TUBA1C: variants seen among roughly 807,000 people sequenced by gnomAD.
TUBA1C encodes tubulin alpha-1C chain.
TUBA1C carries 16 observed loss-of-function variants against 34.9 expected under a neutral mutation model. The observed-to-expected ratio is 0.46, with a 90% CI of 0.31 to 0.70. TUBA1C has a LOEUF of 0.70. TUBA1C is among the 30% of genes least tolerant of loss of function. The probability of loss-of-function intolerance (pLI) is 0.05; values close to 1 mark genes in which losing one functional copy is unlikely to be tolerated. For synonymous variants in TUBA1C, 177 were observed against 215.9 expected (o/e 0.82, Z 1.58); for missense variants, 329 against 587.3 (o/e 0.56, Z 4.55).
At chr12:49,271,999 G>C (rs1321029210) in intron 3 of TUBA1C, among the ~76,000 whole-genome samples, 6 of 149,342 alleles carry the variant, frequency 4.0e-5, no homozygotes, top group Non-Finnish European at 7.4e-5. Flanking sequence ...GACAGGGTCT[G>C]CTCTGTCATC....
chr12:49,272,981 G>A lies in TUBA1C; in HGVS notation c.1104G>A (p.Leu368=). The part of the protein sequence containing the change: ...QPPTVVPGGD[L]AKVQRAVCML... ...CCACTGTGGTGCCTGGCGGAGACCT[G>A]GCCAAGGTACAGAGAGCTGTGTGCA... Residue 368 remains leucine, a synonymous_variant, in exon 4 of 4, where the codon CTG becomes CTA. Coordinates refer to ENST00000301072, the MANE Select transcript of TUBA1C (RefSeq NM_032704.5). 1 of 1,614,226 alleles carries A rather than the reference G, an allele frequency of 6.2e-7. No individual in the cohort carries two copies.
intron 1 of TUBA1C, among the ~76,000 whole-genome samples, chr12:49,267,935 T>C (rs987915148): frequency 2.0e-5 from 3 of 152,188 alleles, no homozygotes; most frequent in Non-Finnish European, 4.4e-5. Flanking sequence ...CAAACACCCT[T>C]TTTGTTTTCC....
rs572837746 is a variant in TUBA1C, at chr12:49,273,517, G to A, written c.*290G>A. 5 of 458,654 alleles carry A rather than the reference G, an allele frequency of 1.1e-5. No individual in the cohort carries two copies. The highest frequency in any genetic ancestry group is 9.9e-5 in the African/African-American group (5 of 50,370). 28.4% of individuals were successfully genotyped at this position (458,654 alleles called of 1,614,324 possible). A position where few individuals can be genotyped will look rare whatever the true frequency, so the allele number is the denominator to read the frequency against. Reference sequence around the variant, plus strand: ...TGATTCTCCTGCTTCAGCCTCCTAAGTAGCTGGGGACTGCAGGTGCACACC... The same window carrying A: ...TGATTCTCCTGCTTCAGCCTCCTAAATAGCTGGGGACTGCAGGTGCACACC... On this transcript the variant is annotated 3_prime_UTR_variant, in exon 4 of 4. Coordinates refer to ENST00000301072, the MANE Select transcript of TUBA1C (RefSeq NM_032704.5).
In TUBA1C at chr12:49,265,161, A is replaced by G; in HGVS notation, c.-21A>G. 4 of 1,603,232 alleles carry G rather than the reference A, an allele frequency of 2.5e-6. No individual in the cohort carries two copies. In the East Asian group the frequency reaches 6.7e-5, roughly 27 times the overall value. ...GTCCCTTCGCCTCCTTCACCGCCGC[A>G]GACCCCTTCAAGTTCTAGTCATGGT... On this transcript the variant is annotated 5_prime_UTR_variant, in exon 1 of 4. Transcript: ENST00000301072.
intron 1 of TUBA1C, among the ~76,000 whole-genome samples, chr12:49,259,531 A>G (rs1210335089): frequency 6.6e-6 from 1 of 152,226 alleles, no homozygotes; most frequent in Non-Finnish European, 1.5e-5. Flanking sequence ...CCTAGATACA[A>G]ATACCATCTA....
intron 1 of TUBA1C, among the ~76,000 whole-genome samples, chr12:49,234,919 G>A (rs1345290582): frequency 6.6e-6 from 1 of 152,076 alleles, no homozygotes; most frequent in Non-Finnish European, 1.5e-5. Context: ...CCAGATTCAA[G>A]CGATTCTCCT....
intron 1 of TUBA1C, among the ~76,000 whole-genome samples, chr12:49,255,405 A>AAAAAATATATAT (rs533723121): frequency 3.5e-5 from 5 of 141,314 alleles, no homozygotes; most frequent in African/African-American, 1.3e-4. Flanking sequence ...ATCTTTAAAA[A>AAAAAATATATAT]ATATATATAT....
In TUBA1C at chr12:49,265,247, A is replaced by G. The variant is rs1942890020; in HGVS notation, c.3+63A>G. 6.2e-6 allele frequency: 9 copies of G among 1,451,048 alleles called. No homozygotes were observed. In the South Asian group the frequency reaches 1.1e-4, roughly 18 times the overall value. 89.9% of individuals were successfully genotyped at this position (1,451,048 alleles called of 1,614,324 possible). A position where few individuals can be genotyped will look rare whatever the true frequency, so the allele number is the denominator to read the frequency against. ...GTCCCAGGGGACGGCGGGCCCGGAA[A>G]CTACTGCCTGCACCTCGGGCCGCGC... On this transcript the variant is annotated intron_variant, in intron 1 of 3. Transcript: ENST00000301072.
chr12:49,229,823 T>C (rs186998839), intron 1 of TUBA1C, among the ~76,000 whole-genome samples: 1 of 152,194 alleles, frequency 6.6e-6, no homozygotes. Context: ...GATGGAGTCT[T>C]GCTCTGTCGC....
intron 1 of TUBA1C, among the ~76,000 whole-genome samples, chr12:49,268,402 A>AT (rs527927416): frequency 0.035 from 4,969 of 143,128 alleles, 88 homozygotes; most frequent in African/African-American, 0.053. Flanking sequence ...CTCTACCATA[A>AT]TTTTTTTTTT....
At chr12:49,242,944 A>G (rs1425810006) in intron 1 of TUBA1C, among the ~76,000 whole-genome samples, 3 of 151,760 alleles carry the variant, frequency 2.0e-5, no homozygotes, top group Non-Finnish European at 4.4e-5. Flanking sequence ...AGCTGGGACT[A>G]CAGGCGCATG....
At position 49,269,620 on chromosome 12, in the gene TUBA1C, C is replaced by T. The variant is rs751070145; in HGVS notation, c.159C>T (p.Phe53=). ...GGGDDSFNTF[F]SETGAGKHVP... ...GAGATGATTCCTTCAACACCTTCTT[C>T]AGTGAAACGGGTGCTGGCAAGCATG... The change falls in exon 2 of 4, where the codon TTC becomes TTT. Residue 53 remains phenylalanine, a synonymous_variant. Coordinates refer to ENST00000301072, the MANE Select transcript of TUBA1C (RefSeq NM_032704.5). 1.2e-6 allele frequency: 2 copies of T among 1,614,206 alleles called. No homozygotes were observed. The highest frequency in any genetic ancestry group is 1.7e-5 in the Admixed American group (1 of 60,022).
intron 1 of TUBA1C, among the ~76,000 whole-genome samples, chr12:49,246,583 G>A (rs1942671104): frequency 6.6e-6 from 1 of 151,960 alleles, no homozygotes; most frequent in Non-Finnish European, 1.5e-5. Flanking sequence ...GCTGAGGCAG[G>A]AGAATGGCAT....
chr12:49,269,225 A>G (rs1457929118), intron 1 of TUBA1C, among the ~76,000 whole-genome samples: 1 of 151,926 alleles, frequency 6.6e-6, no homozygotes, highest in Admixed American at 6.6e-5. Context: ...ATGCCTGGCT[A>G]ATTTTTTTTG....
upstream of TUBA1C, among the ~76,000 whole-genome samples, chr12:49,263,527 G>A (rs1942862000): frequency 6.6e-6 from 1 of 151,960 alleles, no homozygotes; most frequent in Non-Finnish European, 1.5e-5. Flanking sequence ...CATTTTGTAT[G>A]TGTGAGTTGA....
chr12:49,271,937 GAA>G (rs1233932213), intron 3 of TUBA1C, among the ~76,000 whole-genome samples: 3 of 151,732 alleles, frequency 2.0e-5, no homozygotes, highest in Non-Finnish European at 4.4e-5. Flanking sequence ...ACTTGATTGT[GAA>G]AAGTTGTTCT....
At chr12:49,265,021 C>G, upstream of TUBA1C, 2 of 1,087,884 alleles carry the variant, frequency 1.8e-6, no homozygotes, top group Non-Finnish European at 2.4e-6. Context: ...CTGGGGCCCG[C>G]CCTCCCGACA....
chr12:49,270,142 T>A, intron 3 of TUBA1C, 166 bp downstream of exon 3: 1 of 1,410,422 alleles, frequency 7.1e-7, no homozygotes, highest in Non-Finnish European at 9.8e-7. Context: ...ATCTTGGATT[T>A]ATGGGACAAC....
At chr12:49,260,383 C>G (rs1024794093), upstream of TUBA1C, among the ~76,000 whole-genome samples, 2 of 152,068 alleles carry the variant, frequency 1.3e-5, no homozygotes, top group Non-Finnish European at 2.9e-5. Context: ...CAGATCAGAA[C>G]AAGCCAAATC....
Sources: gnomAD v4.1 joint callset for allele counts (sites outside exome capture counted in the v4.1 genomes callset) on GRCh38, gnomAD v4.1.1 for gene constraint, MANE v1.5 for transcripts, NCBI Gene and HGNC (gene_info 2026-07-23, HGNC 2026-07-21) for gene names.